Variants in SNX9 observed in about 807,000 individuals in gnomAD.
The protein encoded by SNX9 is sorting nexin-9.
Under a neutral mutation model 89.4 loss-of-function variants are expected in SNX9, and 44 were observed. That is an observed-to-expected ratio of 0.49 (90% confidence interval 0.39 to 0.63). The LOEUF is 0.63. SNX9 is among the 30% of genes least tolerant of loss of function. SNX9 has a pLI of 0.00. For missense variants in SNX9, 578 were observed against 736.1 expected (o/e 0.79, Z 2.49); for synonymous variants, 236 against 247.8 (o/e 0.95, Z 0.45).
chr6:157,898,855 A>G (rs576032920), intron 5 of SNX9, among the ~76,000 whole-genome samples: 1 of 152,368 alleles, frequency 6.6e-6, no homozygotes, highest in East Asian at 1.9e-4. Flanking sequence ...AGTCATAGAC[A>G]GGAGCTGCCT....
At chr6:157,888,023 G>T (rs1246237125) in intron 4 of SNX9, among the ~76,000 whole-genome samples, 2 of 152,134 alleles carry the variant, frequency 1.3e-5, no homozygotes. Context: ...CTGTATTGTA[G>T]GCCAGTTAGA....
chr6:157,901,748 C>A, intron 5 of SNX9, 150 bp from the exon 6 acceptor site: 1 of 764,602 alleles, frequency 1.3e-6, no homozygotes. Context: ...CTCTTAACAT[C>A]CATATTATAC....
At chr6:157,934,402 A>G (rs551757892) in intron 13 of SNX9, 1 of 152,258 alleles carries the variant, frequency 6.6e-6, no homozygotes, top group Non-Finnish European at 1.5e-5. Flanking sequence ...AATTATTAGA[A>G]AACAAATTTA....
intron 4 of SNX9, among the ~76,000 whole-genome samples, chr6:157,878,121 C>T (rs917522285): frequency 2.0e-5 from 3 of 152,126 alleles, no homozygotes; most frequent in Non-Finnish European, 4.4e-5. Flanking sequence ...CCCTTTGGTT[C>T]TAGATTCTTA....
chr6:157,833,226 G>C (rs1441130488), intron 1 of SNX9, among the ~76,000 whole-genome samples: 1 of 151,972 alleles, frequency 6.6e-6, no homozygotes, highest in Non-Finnish European at 1.5e-5. Flanking sequence ...TTATGTTTTA[G>C]TTTGTTTTAT....
intron 1 of SNX9, among the ~76,000 whole-genome samples, chr6:157,862,583 T>C (rs375075628): frequency 6.6e-6 from 1 of 152,212 alleles, no homozygotes; most frequent in South Asian, 2.1e-4. Flanking sequence ...TAAGATGTAA[T>C]TGTGATTTAT....
At chr6:157,824,240 A>C (rs2115098539) in intron 1 of SNX9, among the ~76,000 whole-genome samples, 1 of 152,158 alleles carries the variant, frequency 6.6e-6, no homozygotes, top group Admixed American at 6.5e-5. Context: ...TGGCTACCTG[A>C]ATTTTCAAAA....
chr6:157,845,511 A>G (rs1048974784), intron 1 of SNX9, among the ~76,000 whole-genome samples: 1 of 152,164 alleles, frequency 6.6e-6, no homozygotes, highest in African/African-American at 2.4e-5. Context: ...TTTTGAACTC[A>G]TGTTTCATTA....
At chr6:157,927,300 G>A (rs765997346) in intron 11 of SNX9, 86 bp downstream of exon 11, 80 of 879,986 alleles carry the variant, frequency 9.1e-5, no homozygotes, top group African/African-American at 5.2e-4. Context: ...AGCCGCAGCC[G>A]AAACTCAAAT....
chr6:157,914,571 G>T (rs189082569), intron 9 of SNX9, among the ~76,000 whole-genome samples: 3 of 145,772 alleles, frequency 2.1e-5, no homozygotes, highest in Non-Finnish European at 4.5e-5. Context: ...TGACCTCCCG[G>T]GCTCAAGCAG....
intron 1 of SNX9, among the ~76,000 whole-genome samples, chr6:157,853,016 T>G (rs777291330): frequency 3.9e-5 from 6 of 152,060 alleles, no homozygotes; most frequent in Non-Finnish European, 7.3e-5. Flanking sequence ...GTTTGTTTGT[T>G]TTGCATGGCC....
chr6:157,924,162 A>G (rs1202691874), intron 10 of SNX9, among the ~76,000 whole-genome samples: 2 of 152,044 alleles, frequency 1.3e-5, no homozygotes, highest in African/African-American at 4.8e-5. Flanking sequence ...ATGCCACTGC[A>G]CTCCAGCCTG....
intron 1 of SNX9, among the ~76,000 whole-genome samples, chr6:157,862,754 G>A (rs1399654990): frequency 6.6e-6 from 1 of 151,410 alleles, no homozygotes; most frequent in Non-Finnish European, 1.5e-5. Context: ...CTAGTTTTTT[G>A]GTTTTCATTT....
At chr6:157,854,184 A>C (rs992228899) in intron 1 of SNX9, among the ~76,000 whole-genome samples, 1 of 152,182 alleles carries the variant, frequency 6.6e-6, no homozygotes, top group African/African-American at 2.4e-5. Flanking sequence ...TTTAAACTTT[A>C]CTATATTTGT....
chr6:157,852,825 C>T (rs559096721), intron 1 of SNX9, among the ~76,000 whole-genome samples: 6 of 152,310 alleles, frequency 3.9e-5, no homozygotes, highest in East Asian at 1.9e-4. Flanking sequence ...CTGTCCACCT[C>T]GGCCTCCAAA....
intron 1 of SNX9, among the ~76,000 whole-genome samples, chr6:157,858,393 C>T (rs7761291): frequency 0.19 from 28,217 of 151,480 alleles, 2,946 homozygotes; most frequent in African/African-American, 0.28. Context: ...ATTACAGGGA[C>T]GTATGTTTAG....
At chr6:157,877,782 G>A (rs1010242995) in intron 4 of SNX9, among the ~76,000 whole-genome samples, 1 of 151,940 alleles carries the variant, frequency 6.6e-6, no homozygotes, top group Non-Finnish European at 1.5e-5. Flanking sequence ...TCTTCAGCTT[G>A]GCACACTCTG....
rs374100084 is a variant in SNX9, at chr6:157,942,846, C to A, written c.*8C>A. On this transcript the variant is annotated 3_prime_UTR_variant, in exon 18 of 18. Coordinates refer to ENST00000392185, the MANE Select transcript of SNX9 (RefSeq NM_016224.5). Reference sequence around the variant, plus strand: ...CGCTTTCCAGTGATGTAGGACAGAACGGGCCTTGAAGAGAATGCCGCGTGC... The same window carrying A: ...CGCTTTCCAGTGATGTAGGACAGAAAGGGCCTTGAAGAGAATGCCGCGTGC... 9 of 1,612,458 alleles carry A rather than the reference C, an allele frequency of 5.6e-6. No homozygotes were observed. The South Asian group carries it at 9.9e-5, about 18-fold the overall frequency.
At chr6:157,898,947 C>T (rs1053266451) in intron 5 of SNX9, among the ~76,000 whole-genome samples, 3 of 152,182 alleles carry the variant, frequency 2.0e-5, no homozygotes, top group African/African-American at 7.2e-5. Context: ...TGGCCCACAT[C>T]CTTCTCATAG....
Sources: gnomAD v4.1 joint callset for allele counts (sites outside exome capture counted in the v4.1 genomes callset) on GRCh38, gnomAD v4.1.1 for gene constraint, MANE v1.5 for transcripts, NCBI Gene and HGNC (gene_info 2026-07-23, HGNC 2026-07-21) for gene names.